The following ZNF431 variants were observed in gnomAD, a reference collection of about 807,000 sequenced individuals.
The protein encoded by ZNF431 is zinc finger protein 431.
ZNF431 carries 34 observed loss-of-function variants against 57.0 expected under a neutral mutation model. The observed-to-expected ratio is 0.60, with a 90% confidence interval of 0.45 to 0.79. The LOEUF (loss-of-function observed/expected upper bound fraction) is 0.79. Ranked by LOEUF, ZNF431 falls within the 30% of genes least tolerant of loss-of-function variation. The pLI is 0.00. For missense variants in ZNF431, 607 were observed against 667.1 expected, an observed-to-expected ratio of 0.91 and a Z score of 0.99; for synonymous variants, 207 against 220.3, an observed-to-expected ratio of 0.94 and a Z score of 0.54.
chr19:21,179,646 G>A (rs906351814), intron 4 of ZNF431, among the ~76,000 whole-genome samples: 4 of 143,068 alleles, frequency 2.8e-5, no homozygotes, highest in African/African-American at 1.0e-4. Flanking sequence ...TGCAACCTCC[G>A]CCTCCCAGGT....
chr19:21,149,479 A>G lies in ZNF431; in HGVS notation c.96+5836A>G, dbSNP rs553910774. On this transcript the variant is annotated intron_variant, in intron 2 of 4. Coordinates refer to ENST00000311048, the MANE Select transcript of ZNF431 (RefSeq NM_133473.4). ...TTTGATTTACGCTCTTACTATTTTT[A>G]AACCAATTAATCAGAGTTCTTTCAT... Among the ~76,000 whole-genome samples, 16 of 152,324 alleles carry G rather than the reference A, an allele frequency of 1.1e-4. No homozygotes were observed. The East Asian group carries it at 3.1e-3, about 29-fold the overall frequency.
chr19:21,155,827 A>T (rs1970401087), intron 2 of ZNF431, among the ~76,000 whole-genome samples: 1 of 152,156 alleles, frequency 6.6e-6, no homozygotes, highest in Admixed American at 6.5e-5. Flanking sequence ...CAGAAGGAAG[A>T]TATCCCAGAG....
chr19:21,179,391 T>C (rs1971148377), intron 4 of ZNF431, among the ~76,000 whole-genome samples: 1 of 152,126 alleles, frequency 6.6e-6, no homozygotes, highest in South Asian at 2.1e-4. Context: ...GGTTATTTCT[T>C]GTCTTCTGCT....
At chr19:21,159,477 A>G (rs1970513836) in intron 2 of ZNF431, among the ~76,000 whole-genome samples, 1 of 152,112 alleles carries the variant, frequency 6.6e-6, no homozygotes, top group Non-Finnish European at 1.5e-5. Flanking sequence ...AGCTCAAGTG[A>G]TTCGCCTGCC....
intron 4 of ZNF431, among the ~76,000 whole-genome samples, chr19:21,169,374 A>G (rs1970816691): frequency 6.6e-6 from 1 of 152,220 alleles, no homozygotes; most frequent in Non-Finnish European, 1.5e-5. Context: ...ACCTTAAAAT[A>G]GAAGCATTGA....
intron 2 of ZNF431, chr19:21,150,358 C>T: frequency 2.6e-6 from 1 of 381,362 alleles, no homozygotes; most frequent in Non-Finnish European, 5.0e-6. Flanking sequence ...GGAAATTCAC[C>T]ACTTTCTTGG....
At chr19:21,159,942 G>A (rs959564206) in intron 2 of ZNF431, among the ~76,000 whole-genome samples, 16 of 150,112 alleles carry the variant, frequency 1.1e-4, no homozygotes, top group African/African-American at 3.9e-4. Flanking sequence ...CCTAAACTTG[G>A]CCCAAATGAA....
At chr19:21,167,223 C>G (rs924502227) in intron 3 of ZNF431, among the ~76,000 whole-genome samples, 10 of 151,316 alleles carry the variant, frequency 6.6e-5, no homozygotes, top group African/African-American at 2.4e-4. Flanking sequence ...GTGCAATGCA[C>G]TATCTTGGCT....
In ZNF431 at chr19:21,168,422, A is replaced by G. The variant is rs572654624; in HGVS notation, c.319+756A>G. Among the ~76,000 whole-genome samples the G allele has an allele frequency of 1.9e-3, 281 of 151,706 alleles. 1 individual carries two copies. Among genetic ancestry groups the G allele is most frequent in the African/African-American group, 6.6e-3 (273 of 41,310 alleles). ...TCACTCTGTCATCAGGCTGGAGTGC[A>G]GTGGCACAATCTTGGCTCACTGCAA... On this transcript the variant is annotated intron_variant, in intron 4 of 4. Coordinates refer to ENST00000311048, the MANE Select transcript of ZNF431 (RefSeq NM_133473.4).
intron 4 of ZNF431, among the ~76,000 whole-genome samples, chr19:21,175,817 G>A (rs1237307820): frequency 6.6e-6 from 1 of 152,106 alleles, no homozygotes; most frequent in Admixed American, 6.6e-5. Flanking sequence ...TCTTTATCCA[G>A]TCTGTCATAG....
At chr19:21,152,224 T>C (rs1410971323) in intron 2 of ZNF431, among the ~76,000 whole-genome samples, 1 of 152,112 alleles carries the variant, frequency 6.6e-6, no homozygotes, top group Admixed American at 6.5e-5. Context: ...CTCTGAGTAA[T>C]ATAAAATAAG....
At chr19:21,176,362 T>G (rs1457327374) in intron 4 of ZNF431, among the ~76,000 whole-genome samples, 1 of 151,464 alleles carries the variant, frequency 6.6e-6, no homozygotes, top group Non-Finnish European at 1.5e-5. Flanking sequence ...TGCCTCAGCC[T>G]CCTGAGTAGC....
At chr19:21,150,044 C>T (rs1403733617) in intron 2 of ZNF431, 10 of 604,858 alleles carry the variant, frequency 1.7e-5, no homozygotes, top group African/African-American at 3.7e-5. Flanking sequence ...TCGAAGGACA[C>T]GTGGTCTCTT....
intron 4 of ZNF431, among the ~76,000 whole-genome samples, chr19:21,178,739 C>G (rs1046712803): frequency 1.1e-4 from 17 of 151,386 alleles, no homozygotes; most frequent in Non-Finnish European, 1.8e-4. Flanking sequence ...AGTTTGCCAG[C>G]ATTTTATTGA....
rs755231331 is a variant in ZNF431, at chr19:21,191,914, G to A, written c.*7880G>A. ...TTCTATGAAGTATATCACGTATTTCGATAGAGGTTGCATTATACCTGTAGG... is the reference window on the plus strand; with the variant it reads ...TTCTATGAAGTATATCACGTATTTCAATAGAGGTTGCATTATACCTGTAGG... On this transcript the variant is annotated 3_prime_UTR_variant, in exon 5 of 5. Transcript: ENST00000311048. The A allele has an allele frequency of 3.3e-5, 5 of 152,056 alleles. No individual in the cohort carries two copies. Among genetic ancestry groups the A allele is most frequent in the African/African-American group, 4.8e-5 (2 of 41,402 alleles). 9.4% of individuals were successfully genotyped at this position (152,056 alleles called of 1,614,324 possible).
At chr19:21,153,706 G>C (rs1970339992) in intron 2 of ZNF431, among the ~76,000 whole-genome samples, 2 of 152,130 alleles carry the variant, frequency 1.3e-5, no homozygotes, top group Non-Finnish European at 2.9e-5. Flanking sequence ...GAGGAAGGCT[G>C]TGGGAGTCCC....
intron 2 of ZNF431, among the ~76,000 whole-genome samples, chr19:21,159,346 A>G (rs1452254668): frequency 6.9e-6 from 1 of 145,360 alleles, no homozygotes; most frequent in African/African-American, 2.5e-5. Flanking sequence ...TATATATAGT[A>G]TACAAAAAGA....
rs939140575 is a variant in ZNF431 at position 21,187,458 on chromosome 19, G to C, written c.*3424G>C. ...TAAAAAAAAAAAAAAAAAAAAAAGAGCTGGGCGTGGTGGCTCACGCCTGTA... is the reference window on the plus strand; with the variant it reads ...TAAAAAAAAAAAAAAAAAAAAAAGACCTGGGCGTGGTGGCTCACGCCTGTA... On this transcript the variant is annotated 3_prime_UTR_variant, in exon 5 of 5. Transcript: ENST00000311048. The C allele has an allele frequency of 1.4e-5, 2 of 144,042 alleles. No individual in the cohort carries two copies. The highest frequency in any genetic ancestry group is 3.1e-5 in the Non-Finnish European group (2 of 65,474). 8.9% of individuals were successfully genotyped at this position (144,042 alleles called of 1,614,324 possible).
chr19:21,194,843 G>A lies in ZNF431; in HGVS notation c.*10809G>A, dbSNP rs1384326875. Reference sequence around the variant, plus strand: ...AAAGAAAGGTGAATGCCATTAAAAGGTGTTTAATACACTCCCACCAGAAAC... The same window carrying A: ...AAAGAAAGGTGAATGCCATTAAAAGATGTTTAATACACTCCCACCAGAAAC... On this transcript the variant is annotated 3_prime_UTR_variant, in exon 5 of 5. Transcript: ENST00000311048. The A allele has an allele frequency of 6.6e-6, 1 of 152,298 alleles. No individual in the cohort carries two copies. Among genetic ancestry groups the A allele is most frequent in the South Asian group, 2.1e-4 (1 of 4,830 alleles). 9.4% of individuals were successfully genotyped at this position (152,298 alleles called of 1,614,324 possible).
Sources: gnomAD v4.1 joint callset for allele counts (sites outside exome capture counted in the v4.1 genomes callset) on GRCh38, gnomAD v4.1.1 for gene constraint, MANE v1.5 for transcripts, NCBI Gene and HGNC (gene_info 2026-07-23, HGNC 2026-07-21) for gene names.